The following RHOU variants were observed in gnomAD, a reference collection of about 807,000 sequenced individuals.
RHOU encodes rho-related GTP-binding protein RhoU.
In RHOU, 8 loss-of-function variants were observed where a neutral mutation model predicts 12.6. The ratio of observed to expected loss-of-function variants is 0.64; its 90% CI spans 0.37 to 1.15. The LOEUF (loss-of-function observed/expected upper bound fraction) is 1.15. RHOU is among the 50% of genes most tolerant of loss of function. The pLI is 0.01. For synonymous variants in RHOU, 161 were observed against 147.4 expected (o/e 1.09, Z -0.67); for missense variants, 258 against 347.0 (o/e 0.74, Z 2.04).
the RHOU span, among the ~76,000 whole-genome samples, chr1:228,714,338 C>T: frequency 1.3e-5 from 2 of 152,222 alleles, no homozygotes; most frequent in East Asian, 3.9e-4. Flanking sequence ...ATTATACTTG[C>T]TTCACAAAAA....
the RHOU span, among the ~76,000 whole-genome samples, chr1:228,669,164 C>G: frequency 6.6e-6 from 1 of 152,228 alleles, no homozygotes; most frequent in Non-Finnish European, 1.5e-5. Flanking sequence ...TGGACTTGAA[C>G]TTCTACAAGG....
At chr1:228,720,911 G>T in the RHOU span, among the ~76,000 whole-genome samples, 1 of 152,158 alleles carries the variant, frequency 6.6e-6, no homozygotes, top group African/African-American at 2.4e-5. Flanking sequence ...ATATTAACCA[G>T]CGCTTTCCCC....
At chr1:228,699,390 G>T in the RHOU span, among the ~76,000 whole-genome samples, 1 of 139,228 alleles carries the variant, frequency 7.2e-6, no homozygotes, top group African/African-American at 2.7e-5. Context: ...TGAGACTGCA[G>T]TGAGACATGA....
chr1:228,648,041 T>C, the RHOU span: 1 of 152,304 alleles, frequency 6.6e-6, no homozygotes, highest in Non-Finnish European at 1.5e-5. Context: ...ACGCCGGTAG[T>C]GCAGCCTGTC....
chr1:228,736,244 GCAGT>G (rs1662608353), intron 1 of RHOU, among the ~76,000 whole-genome samples: 1 of 122,610 alleles, frequency 8.2e-6, no homozygotes, highest in Non-Finnish European at 1.6e-5. Context: ...GGGCGGAGCG[GCAGT>G]CAGAGCCTTG....
chr1:228,743,966 A>C lies in RHOU; in HGVS notation c.*226A>C. On this transcript the variant is annotated 3_prime_UTR_variant, in exon 3 of 3. Transcript: ENST00000366691. This position sits in a 1 kb window ranked among gnomAD's most constrained non-coding sequence, Gnocchi z 5.1. ...AAGATATTTTTGAAGTAAATTAAAC[A>C]TTTTTCACATCTCTGGAAATTTAGA... The C allele has an allele frequency of 2.1e-6, 1 of 466,418 alleles. No homozygotes were observed. Among genetic ancestry groups the C allele is most frequent in the South Asian group, 3.3e-5 (1 of 30,524 alleles). The allele number at this position is 466,418 out of a possible 1,614,324, so 28.9% of individuals were successfully genotyped here.
At chr1:228,728,866 G>C in the RHOU span, among the ~76,000 whole-genome samples, 3 of 151,742 alleles carry the variant, frequency 2.0e-5, no homozygotes, top group East Asian at 3.9e-4. Flanking sequence ...CTGACATCTA[G>C]CACTGATGAG....
At chr1:228,730,992 AG>A (rs1282213298), upstream of RHOU, among the ~76,000 whole-genome samples, 3 of 152,380 alleles carry the variant, frequency 2.0e-5, no homozygotes, top group South Asian at 2.1e-4. Context: ...CACAGTGGAA[AG>A]TCTATTAGGA....
At chr1:228,653,329 A>AT in the RHOU span, among the ~76,000 whole-genome samples, 70 of 150,344 alleles carry the variant, frequency 4.7e-4, no homozygotes, top group African/African-American at 1.4e-3. Context: ...TAATTTTTGT[A>AT]TTTTTTTTTG....
chr1:228,650,773 C>A, the RHOU span: 1 of 432,424 alleles, frequency 2.3e-6, no homozygotes, highest in South Asian at 1.9e-5. Flanking sequence ...AAATCCTTTC[C>A]TCCCTCTACC....
At chr1:228,670,646 C>A in the RHOU span, among the ~76,000 whole-genome samples, 1 of 152,180 alleles carries the variant, frequency 6.6e-6, no homozygotes, top group Non-Finnish European at 1.5e-5. Flanking sequence ...TCATTCCCAG[C>A]ATAGATGTTG....
chr1:228,704,888 C>T, the RHOU span, among the ~76,000 whole-genome samples: 4 of 151,710 alleles, frequency 2.6e-5, no homozygotes, highest in African/African-American at 7.3e-5. Context: ...CTGCAACCTT[C>T]ACCTCCTGGG....
At chr1:228,694,824 T>G in the RHOU span, among the ~76,000 whole-genome samples, 1 of 152,208 alleles carries the variant, frequency 6.6e-6, no homozygotes, top group African/African-American at 2.4e-5. Context: ...TTTGGGTACA[T>G]ACCTCGTAAT....
At chr1:228,696,851 G>GTA in the RHOU span, among the ~76,000 whole-genome samples, 1 of 152,118 alleles carries the variant, frequency 6.6e-6, no homozygotes. Context: ...CTGGTCATGG[G>GTA]TATATCTTTG....
chr1:228,701,730 G>A, the RHOU span, among the ~76,000 whole-genome samples: 253 of 150,840 alleles, frequency 1.7e-3, 1 homozygote, highest in African/African-American at 5.9e-3. Flanking sequence ...TTCTTTTATC[G>A]TAAAATAATA....
At chr1:228,697,214 T>C in the RHOU span, among the ~76,000 whole-genome samples, 1 of 152,216 alleles carries the variant, frequency 6.6e-6, no homozygotes, top group Admixed American at 6.5e-5. Flanking sequence ...CACAGAGATG[T>C]GTCAAAACTT....
chr1:228,734,163 T>C (rs904050453), upstream of RHOU, among the ~76,000 whole-genome samples: 4 of 151,940 alleles, frequency 2.6e-5, no homozygotes, highest in Non-Finnish European at 4.4e-5. Flanking sequence ...AAAAAGACAG[T>C]GAACATAACT....
upstream of RHOU, among the ~76,000 whole-genome samples, chr1:228,732,276 G>A (rs1248684213): frequency 2.0e-5 from 3 of 152,186 alleles, no homozygotes; most frequent in African/African-American, 7.2e-5. Context: ...GAGCTTGTAA[G>A]AGGAGACAGA....
the RHOU span, among the ~76,000 whole-genome samples, chr1:228,724,040 GT>G: frequency 8.5e-3 from 1,291 of 151,876 alleles, 12 homozygotes; most frequent in African/African-American, 0.029. Flanking sequence ...CTTCCTGCCT[GT>G]TTTTTTTCGT....
Sources: gnomAD v4.1 joint callset for allele counts (sites outside exome capture counted in the v4.1 genomes callset) on GRCh38, gnomAD v4.1.1 for gene constraint, Gnocchi (gnomAD v3.1) non-coding constraint, MANE v1.5 for transcripts, NCBI Gene and HGNC (gene_info 2026-07-23, HGNC 2026-07-21) for gene names.